Variants in PRICKLE2 observed in about 807,000 individuals in gnomAD.
PRICKLE2 encodes the protein prickle planar cell polarity protein 2, also known as prickle-like protein 2.
PRICKLE2 carries 21 observed loss-of-function variants against 81.4 expected under a neutral mutation model. That is an observed-to-expected ratio of 0.26 (90% CI 0.18 to 0.37). The LOEUF (loss-of-function observed/expected upper bound fraction) is 0.37. Ranked by LOEUF, PRICKLE2 falls within the 10% of genes least tolerant of loss-of-function variation. PRICKLE2 has a pLI of 1.00. For missense variants in PRICKLE2, 940 were observed against 1,109.0 expected, an observed-to-expected ratio of 0.85 and a Z score of 2.16; for synonymous variants, 456 against 421.5, an observed-to-expected ratio of 1.08 and a Z score of -1.00.
intron 1 of PRICKLE2, among the ~76,000 whole-genome samples, chr3:64,212,869 T>C (rs1040832238): frequency 6.6e-6 from 1 of 152,194 alleles, no homozygotes; most frequent in Non-Finnish European, 1.5e-5. Context: ...ACCCTACTAA[T>C]CTATTTCCAG....
At chr3:64,173,553 A>T (rs2077969906) in intron 2 of PRICKLE2, among the ~76,000 whole-genome samples, 1 of 152,176 alleles carries the variant, frequency 6.6e-6, no homozygotes, top group Non-Finnish European at 1.5e-5. Context: ...CTGAAAACTG[A>T]CCAATTGGCT....
At position 64,099,636 on chromosome 3, in the gene PRICKLE2, C is replaced by G; in HGVS notation, c.1950G>C (p.Ala650=). The change falls in exon 8 of 8, where the codon GCG becomes GCC. Residue 650 remains alanine, a synonymous_variant. Transcript: ENST00000638394. The surrounding 1 kb of genome is among the most constrained non-coding windows in gnomAD (Gnocchi z 4.3). The part of the protein sequence containing the change: ...HQSFDFDGGM[A]GSKLPGQEGV... ...CCTCCTGCCCTGGCAGCTTGCTGCC[C>G]GCCATCCCTCCATCAAAATCAAAGC... The G allele has an allele frequency of 6.2e-7, 1 of 1,614,116 alleles. No individual in the cohort carries two copies. Among genetic ancestry groups the G allele is most frequent in the South Asian group, 1.1e-5 (1 of 91,084 alleles).
At position 64,262,582 on chromosome 3, in the gene PRICKLE2, A is replaced by G. The variant is rs2079631771; in HGVS notation, c.129-63615T>C. On this transcript the variant is annotated intron_variant, in intron 2 of 8. Coordinates refer to the PRICKLE2 transcript ENST00000295902. The stretch of plus-strand genomic sequence containing the variant: ...GTCAACAAGGGAGCAATAAAGATGA[A>G]AAAGACATGAGCAAGCAGGAAGGAG... 2.0e-5 allele frequency among the ~76,000 whole-genome samples: 3 copies of G among 151,866 alleles called. No homozygotes were observed. The South Asian group carries it at 6.3e-4, about 32-fold the overall frequency.
rs1326232375 is a variant in PRICKLE2, at chr3:64,097,172, A to C, written c.*1879T>G. The C allele has an allele frequency of 6.6e-6, 1 of 152,626 alleles. No homozygotes were observed. Among genetic ancestry groups the C allele is most frequent in the Non-Finnish European group, 1.5e-5 (1 of 68,038 alleles). The allele number at this position is 152,626 out of a possible 1,614,324, so 9.5% of individuals were successfully genotyped here. ...TGTGCATTGCTTTTTTAAAAAAATC[A>C]GTGACAATGACAAATGTCATATTAA... is the stretch of plus-strand genomic sequence containing the variant. On this transcript the variant is annotated 3_prime_UTR_variant, in exon 8 of 8. Transcript: ENST00000638394.
chr3:64,141,862 A>C, intron 7 of PRICKLE2: 2 of 985,206 alleles, frequency 2.0e-6, no homozygotes, highest in Non-Finnish European at 2.4e-6. Flanking sequence ...AGAAAAAAGA[A>C]TCCATCATCT....
chr3:64,161,987 T>G (rs1189813186), intron 3 of PRICKLE2, among the ~76,000 whole-genome samples: 2 of 152,234 alleles, frequency 1.3e-5, no homozygotes, highest in Non-Finnish European at 2.9e-5. Context: ...AAGAGGATCA[T>G]AGCTCTCTTT....
intron 7 of PRICKLE2, chr3:64,141,684 TA>T (rs2077364334): frequency 5.1e-6 from 2 of 394,844 alleles, no homozygotes; most frequent in Non-Finnish European, 6.9e-6. Context: ...CTCCCAGTTC[TA>T]AACACATTGG....
intron 1 of PRICKLE2, among the ~76,000 whole-genome samples, chr3:64,221,461 A>G (rs1030861663): frequency 2.7e-5 from 4 of 149,166 alleles, no homozygotes; most frequent in Admixed American, 6.7e-5. Context: ...ACACACACGC[A>G]CACACACAGC....
At chr3:64,117,283 C>A (rs754859331) in intron 7 of PRICKLE2, among the ~76,000 whole-genome samples, 3 of 152,162 alleles carry the variant, frequency 2.0e-5, no homozygotes, top group Non-Finnish European at 4.4e-5. Context: ...CCCTTGAAAA[C>A]CAGCATAAGA....
chr3:64,258,707 C>T (rs2079563672), intron 2 of PRICKLE2, among the ~76,000 whole-genome samples: 1 of 149,648 alleles, frequency 6.7e-6, no homozygotes, highest in African/African-American at 2.5e-5. Context: ...GCCTGCAGTC[C>T]CAGCCACTGG....
At chr3:64,172,012 G>A (rs1188606316) in intron 2 of PRICKLE2, among the ~76,000 whole-genome samples, 1 of 152,148 alleles carries the variant, frequency 6.6e-6, no homozygotes, top group Non-Finnish European at 1.5e-5. Context: ...AATCACATGA[G>A]TTGCTTTGCT....
At chr3:64,181,388 G>A (rs1435963547) in intron 2 of PRICKLE2, among the ~76,000 whole-genome samples, 1 of 152,074 alleles carries the variant, frequency 6.6e-6, no homozygotes, top group Admixed American at 6.6e-5. Flanking sequence ...CTAAAACAAC[G>A]CTCATCCTCT....
At chr3:64,140,680 C>T (rs2077347466) in intron 7 of PRICKLE2, among the ~76,000 whole-genome samples, 1 of 152,172 alleles carries the variant, frequency 6.6e-6, no homozygotes, top group Non-Finnish European at 1.5e-5. Flanking sequence ...CCCCACTCTG[C>T]CCTTGGTGTC....
chr3:64,242,616 G>A (rs997349059), intron 2 of PRICKLE2, among the ~76,000 whole-genome samples: 7 of 152,218 alleles, frequency 4.6e-5, no homozygotes, highest in African/African-American at 1.4e-4. Context: ...TTCAGTGGAC[G>A]ACTTGGCCAG....
chr3:64,239,241 G>A (rs903452684), intron 2 of PRICKLE2, among the ~76,000 whole-genome samples: 4 of 152,132 alleles, frequency 2.6e-5, no homozygotes, highest in African/African-American at 4.8e-5. Flanking sequence ...GAGCCCTGCT[G>A]GGGGGCGGGG....
At chr3:64,244,373 T>C (rs2079314472) in intron 2 of PRICKLE2, among the ~76,000 whole-genome samples, 1 of 152,190 alleles carries the variant, frequency 6.6e-6, no homozygotes, top group Non-Finnish European at 1.5e-5. Context: ...TAAGATGAGC[T>C]AACTGGCAAA....
At chr3:64,203,472 G>C (rs546759537) in intron 1 of PRICKLE2, among the ~76,000 whole-genome samples, 1 of 152,230 alleles carries the variant, frequency 6.6e-6, no homozygotes, top group South Asian at 2.1e-4. Flanking sequence ...TCAAAATGTA[G>C]AAAACTTTTA....
At chr3:64,135,150 C>A (rs2077258918) in intron 7 of PRICKLE2, among the ~76,000 whole-genome samples, 1 of 152,122 alleles carries the variant, frequency 6.6e-6, no homozygotes, top group Non-Finnish European at 1.5e-5. Context: ...CTCGAAGAAG[C>A]AAGAATATGC....
chr3:64,226,279 C>T (rs697290), upstream of PRICKLE2, among the ~76,000 whole-genome samples: 17,391 of 152,136 alleles, frequency 0.11, 1,328 homozygotes, highest in East Asian at 0.39. Flanking sequence ...TGTTGAATAC[C>T]TTTGGGGTCT....
Sources: gnomAD v4.1 joint callset for allele counts (sites outside exome capture counted in the v4.1 genomes callset) on GRCh38, gnomAD v4.1.1 for gene constraint, Gnocchi (gnomAD v3.1) non-coding constraint, MANE v1.5 for transcripts, NCBI Gene and HGNC (gene_info 2026-07-23, HGNC 2026-07-21) for gene names.